Variants in HIVEP2 observed in about 807,000 individuals in gnomAD.
HIVEP2 encodes transcription factor HIVEP2.
A neutral mutation model predicts 180.7 loss-of-function variants in HIVEP2; 14 were observed. The ratio of observed to expected loss-of-function variants is 0.08; its 90% confidence interval spans 0.05 to 0.12. HIVEP2 has a LOEUF of 0.12. HIVEP2 is among the 10% of genes least tolerant of loss of function. The pLI, the probability that HIVEP2 is intolerant of heterozygous loss-of-function variation, is 1.00. For missense variants in HIVEP2, 2,579 were observed against 3,008.5 expected, an observed-to-expected ratio of 0.86 and a Z score of 3.34; for synonymous variants, 1,184 against 1,136.4, an observed-to-expected ratio of 1.04 and a Z score of -0.84.
chr6:142,860,353 C>T (rs530610868), intron 1 of HIVEP2, among the ~76,000 whole-genome samples: 3 of 152,120 alleles, frequency 2.0e-5, no homozygotes, highest in Admixed American at 6.5e-5. Context: ...TGGTCCCCAA[C>T]CTTTTGGGCA....
rs754386052 is a variant in HIVEP2 at position 142,774,893 on chromosome 6, G to A, written c.-155C>T. The stretch of plus-strand genomic sequence containing the variant: ...TCCTTCTCTTTGGAACCTTCCACAC[G>A]CACACCACAGTCGATGGGCATTAGC... On this transcript the variant is annotated 5_prime_UTR_variant, in exon 5 of 10. Transcript: ENST00000367603. The surrounding 1 kb of genome is among the most constrained non-coding windows in gnomAD (Gnocchi z 5.1). 111 of 1,492,758 alleles carry A rather than the reference G, an allele frequency of 7.4e-5. No individual in the cohort carries two copies. The highest frequency in any genetic ancestry group is 2.5e-4 in the Middle Eastern group (1 of 3,982). The allele number at this position is 1,492,758 out of a possible 1,614,324, so 92.5% of individuals were successfully genotyped here. A position where few individuals can be genotyped will look rare whatever the true frequency, so the allele number is the denominator to read the frequency against.
chr6:142,753,800 G>C lies in HIVEP2; in HGVS notation c.6648C>G (p.Leu2216=), dbSNP rs1774992894. Residue 2216 remains leucine, a synonymous_variant, in exon 10 of 10, where the codon CTC becomes CTG. Transcript: ENST00000367603. The part of the protein sequence containing the change: ...PNDYVFSHLP[L]HSQQQVRAPI... The stretch of plus-strand genomic sequence containing the variant: ...GGGCTCGCACTTGTTGCTGAGAGTG[G>C]AGTGGAAGATGACTGAAGACATAGT... The C allele has an allele frequency of 6.2e-7, 1 of 1,614,044 alleles. No homozygotes were observed. Among genetic ancestry groups the C allele is most frequent in the African/African-American group, 1.3e-5 (1 of 74,924 alleles).
chr6:142,786,033 T>G (rs766156247), intron 2 of HIVEP2, among the ~76,000 whole-genome samples: 1 of 152,246 alleles, frequency 6.6e-6, no homozygotes, highest in Non-Finnish European at 1.5e-5. Context: ...TACATGGGAC[T>G]TGGTTATTGT....
Position 142,772,374 on chromosome 6 carries a change from G to C in HIVEP2, c.2365C>G (p.Leu789Val). ...TTTCCAGGAGGTTTCCTGCCCCCTA[G>C]GTCTGACATCTTGTCTGAATCAATG... ...SAIDSDKMSD[L>V]GGRKPPGNVI... Residue 789 changes from leucine to valine, a missense_variant, in exon 5 of 10, where the codon CTA becomes GTA. By Grantham distance (32) the Leu-to-Val change is conservative. Around this residue, in one of 11 missense-constraint regions of HIVEP2, gnomAD observed 524 missense variants for 563.6 expected, o/e 0.93. Coordinates refer to ENST00000367603, the MANE Select transcript of HIVEP2 (RefSeq NM_006734.4). The surrounding 1 kb of genome is among the most constrained non-coding windows in gnomAD (Gnocchi z 4.9). 2 of 1,614,206 alleles carry C rather than the reference G, an allele frequency of 1.2e-6. No individual in the cohort carries two copies. Among genetic ancestry groups the C allele is most frequent in the Non-Finnish European group, 1.7e-6 (2 of 1,180,026 alleles).
chr6:142,838,826 C>A (rs1775289289), intron 1 of HIVEP2, among the ~76,000 whole-genome samples: 2 of 152,056 alleles, frequency 1.3e-5, no homozygotes, highest in Non-Finnish European at 2.9e-5. Flanking sequence ...GTATTGTTTT[C>A]TAAAATTATG....
chr6:142,768,213 G>T (rs1775421684), intron 6 of HIVEP2, among the ~76,000 whole-genome samples, 169 bp downstream of exon 6: 1 of 152,146 alleles, frequency 6.6e-6, no homozygotes, highest in Non-Finnish European at 1.5e-5. Context: ...CCAAAGGCAA[G>T]GGCATGAACT....
intron 2 of HIVEP2, among the ~76,000 whole-genome samples, chr6:142,794,269 T>C (rs1323251050): frequency 1.3e-5 from 2 of 152,164 alleles, no homozygotes; most frequent in Non-Finnish European, 1.5e-5. Context: ...ATTAACAATA[T>C]GTACACAAAC....
chr6:142,912,920 G>C (rs1262926670), intron 1 of HIVEP2, among the ~76,000 whole-genome samples: 1 of 152,194 alleles, frequency 6.6e-6, no homozygotes, highest in Non-Finnish European at 1.5e-5. Context: ...TATTGCTTGT[G>C]CTGCACATTT....
chr6:142,770,631 C>G lies in HIVEP2; in HGVS notation c.4108G>C (p.Asp1370His). Residue 1370 changes from aspartate (D) to histidine (H), a missense_variant, in exon 5 of 10, where the codon GAT (aspartate) becomes CAT (histidine). Transcript: ENST00000367603. This position sits in a 1 kb window ranked among gnomAD's most constrained non-coding sequence, Gnocchi z 4.7. ...AGTGTCCTTTGGGTCATATTCTCAT[C>G]GACTTTGCATATGACAATGGCAGGG... ...NSPAIVICKV[D>H]ENMTQRTLVT... 1 of 1,614,196 alleles carries G rather than the reference C, an allele frequency of 6.2e-7. No homozygotes were observed. The highest frequency in any genetic ancestry group is 1.3e-5 in the African/African-American group (1 of 75,048).
intron 2 of HIVEP2, among the ~76,000 whole-genome samples, chr6:142,799,473 A>G (rs2114753482): frequency 6.6e-6 from 1 of 152,278 alleles, no homozygotes; most frequent in African/African-American, 2.4e-5. Context: ...CTAAGAAAAG[A>G]GGAGACAGAG....
In HIVEP2 at chr6:142,774,389, T is replaced by C; in HGVS notation, c.350A>G (p.Gln117Arg). The change falls in exon 5 of 10, where the codon CAG becomes CGG. Residue 117 changes from glutamine (Q) to arginine (R), a missense_variant. Transcript: ENST00000367603. The surrounding 1 kb of genome is among the most constrained non-coding windows in gnomAD (Gnocchi z 5.1). Reference protein sequence around the residue: ...QGVMHSTKPHQSLEGPPWLFP... With the variant: ...QGVMHSTKPHRSLEGPPWLFP... The stretch of plus-strand genomic sequence containing the variant: ...AAGCCACGGAGGACCTTCGAGGCTC[T>C]GATGTGGCTTGGTGCTGTGCATGAC... The C allele has an allele frequency of 1.2e-6, 2 of 1,614,198 alleles. No individual in the cohort carries two copies. The highest frequency in any genetic ancestry group is 1.7e-6 in the Non-Finnish European group (2 of 1,180,040).
intron 3 of HIVEP2, among the ~76,000 whole-genome samples, chr6:142,781,493 T>C (rs943438540): frequency 2.0e-5 from 3 of 152,126 alleles, no homozygotes; most frequent in African/African-American, 7.2e-5. Flanking sequence ...GGATATGACT[T>C]TGGGTTTCCT....
rs559584907 is a variant in HIVEP2 at position 142,830,350 on chromosome 6, C to T, written c.-528+6585G>A. On this transcript the variant is annotated intron_variant, in intron 2 of 9. Transcript: ENST00000367603. Reference sequence around the variant, plus strand: ...TCTTTGCTGTGCTATTTCAGCAAGTCGTGAGATGGCAATGATCACCCTCCT... The same window carrying T: ...TCTTTGCTGTGCTATTTCAGCAAGTTGTGAGATGGCAATGATCACCCTCCT... Among the ~76,000 whole-genome samples, 11 of 152,146 alleles carry T rather than the reference C, an allele frequency of 7.2e-5. No homozygotes were observed. In the East Asian group the frequency reaches 1.2e-3, roughly 16 times the overall value.
In HIVEP2 at chr6:142,827,369, C is replaced by T. The variant is rs186373991; in HGVS notation, c.-528+9566G>A. Among the ~76,000 whole-genome samples, 45 of 152,256 alleles carry T rather than the reference C, an allele frequency of 3.0e-4. No individual in the cohort carries two copies. In the East Asian group the frequency reaches 4.6e-3, roughly 16 times the overall value. The stretch of plus-strand genomic sequence containing the variant: ...AAAGTTTCAATTATTAATAGTATCC[C>T]TATCACCTCCTGCTAGCATATTGCA... On this transcript the variant is annotated intron_variant, in intron 2 of 9. Coordinates refer to ENST00000367603, the MANE Select transcript of HIVEP2 (RefSeq NM_006734.4).
intron 1 of HIVEP2, among the ~76,000 whole-genome samples, chr6:142,907,449 G>A (rs1229226081): frequency 6.6e-6 from 1 of 152,066 alleles, no homozygotes; most frequent in African/African-American, 2.4e-5. Context: ...GGGAAGAAAG[G>A]GTCAAAGCAA....
intron 1 of HIVEP2, among the ~76,000 whole-genome samples, chr6:142,855,537 C>T (rs1775796797): frequency 6.6e-6 from 1 of 152,110 alleles, no homozygotes; most frequent in Non-Finnish European, 1.5e-5. Context: ...ATTTGAGGAG[C>T]CTTTAATTTT....
At chr6:142,862,416 G>A (rs909816995) in intron 1 of HIVEP2, among the ~76,000 whole-genome samples, 3 of 144,562 alleles carry the variant, frequency 2.1e-5, no homozygotes, top group Admixed American at 1.4e-4. Flanking sequence ...ACATATAATC[G>A]ATTACATGTA....
chr6:142,760,450 C>A lies in HIVEP2; in HGVS notation c.5838G>T (p.Leu1946Phe). The A allele has an allele frequency of 6.2e-7, 1 of 1,614,146 alleles. No individual in the cohort carries two copies. The highest frequency in any genetic ancestry group is 8.5e-7 in the Non-Finnish European group (1 of 1,180,026). Residue 1946 changes from leucine to phenylalanine, a missense_variant, in exon 9 of 10, where the codon TTG becomes TTT. Coordinates refer to ENST00000367603, the MANE Select transcript of HIVEP2 (RefSeq NM_006734.4). ...TSPQPPRFSSLPVNVGAVPHG... is the reference protein window; with the variant it reads ...TSPQPPRFSSFPVNVGAVPHG... Reference sequence around the variant, plus strand: ...GGGGTACGGCGCCAACATTCACAGGCAAGGAGGAGAATCTAGGAGGCTGAG... The same window carrying A: ...GGGGTACGGCGCCAACATTCACAGGAAAGGAGGAGAATCTAGGAGGCTGAG...
intron 3 of HIVEP2, among the ~76,000 whole-genome samples, chr6:142,781,239 T>G (rs1417586513): frequency 6.6e-6 from 1 of 152,170 alleles, no homozygotes; most frequent in Admixed American, 6.5e-5. Context: ...GGTTTCCTAA[T>G]CAATTGATAT....
Sources: gnomAD v4.1 joint callset for allele counts (sites outside exome capture counted in the v4.1 genomes callset) on GRCh38, gnomAD v4.1.1 for gene constraint, gnomAD v4.1.1 regional missense constraint, Gnocchi (gnomAD v3.1) non-coding constraint, MANE v1.5 for transcripts, NCBI Gene and HGNC (gene_info 2026-07-23, HGNC 2026-07-21) for gene names.